The following OXR1 variants were observed in gnomAD, a reference collection of about 807,000 sequenced individuals.
OXR1 encodes the protein oxidation resistance 1, also known as oxidation resistance protein 1.
OXR1 carries 41 observed loss-of-function variants against 104.6 expected under a neutral mutation model. The observed-to-expected ratio is 0.39, with a 90% CI of 0.31 to 0.51. The LOEUF (loss-of-function observed/expected upper bound fraction) is 0.51, where lower values mean the gene tolerates loss of function less well. Among genes scored for constraint, OXR1 ranks in the 20% least tolerant of loss-of-function variants. The pLI, the probability that OXR1 is intolerant of heterozygous loss-of-function variation, is 0.77. For synonymous variants in OXR1, 348 were observed against 348.4 expected, an observed-to-expected ratio of 1.00 and a Z score of 0.01; for missense variants, 955 against 1,031.9, an observed-to-expected ratio of 0.93 and a Z score of 1.02.
intron 3 of OXR1, among the ~76,000 whole-genome samples, chr8:106,613,092 GCTT>G (rs1047132569): frequency 6.6e-6 from 1 of 151,990 alleles, no homozygotes; most frequent in Non-Finnish European, 1.5e-5. Context: ...TGGAAAACAT[GCTT>G]CTTACCTAAT....
chr8:106,539,456 A>G (rs542399043), intron 3 of OXR1, among the ~76,000 whole-genome samples: 56 of 152,310 alleles, frequency 3.7e-4, no homozygotes, highest in Admixed American at 9.2e-4. Flanking sequence ...TATAATTTGC[A>G]TATTTTACTC....
chr8:106,603,913 C>T (rs879708313), intron 3 of OXR1, among the ~76,000 whole-genome samples: 4 of 151,838 alleles, frequency 2.6e-5, no homozygotes, highest in Non-Finnish European at 4.4e-5. Context: ...ATTAGCTGGG[C>T]GTGGTGGTGC....
At chr8:106,387,424 G>T (rs555899254) in intron 2 of OXR1, among the ~76,000 whole-genome samples, 12 of 152,148 alleles carry the variant, frequency 7.9e-5, no homozygotes, top group Admixed American at 3.9e-4. Flanking sequence ...TTTCCAGGTT[G>T]CACTAGGAGA....
At chr8:106,532,257 T>C (rs1459925279) in intron 3 of OXR1, among the ~76,000 whole-genome samples, 1 of 152,244 alleles carries the variant, frequency 6.6e-6, no homozygotes, top group Non-Finnish European at 1.5e-5. Context: ...TGGGAATTTA[T>C]GTGCCTACAA....
At chr8:106,316,388 G>T (rs13280179) in intron 1 of OXR1, among the ~76,000 whole-genome samples, 45,588 of 151,040 alleles carry the variant, frequency 0.3, 7,868 homozygotes, top group Admixed American at 0.38. Context: ...AATCTTTATT[G>T]AAAAGAATCT....
chr8:106,286,193 A>G (rs1812493721), intron 1 of OXR1, among the ~76,000 whole-genome samples: 1 of 152,164 alleles, frequency 6.6e-6, no homozygotes, highest in Non-Finnish European at 1.5e-5. Flanking sequence ...GCTGATGCCC[A>G]TCATTGTTAT....
intron 2 of OXR1, among the ~76,000 whole-genome samples, chr8:106,459,228 G>C (rs1563536148): frequency 6.6e-6 from 1 of 152,174 alleles, no homozygotes; most frequent in East Asian, 1.9e-4. Context: ...TCTTATTAAA[G>C]AATTAATGCT....
In OXR1 at chr8:106,501,013, A is replaced by G. The variant is rs576118431; in HGVS notation, c.24-17930A>G. 5.9e-5 allele frequency among the ~76,000 whole-genome samples: 9 copies of G among 152,352 alleles called. No homozygotes were observed. In the South Asian group the frequency reaches 1.9e-3, roughly 32 times the overall value. Reference sequence around the variant, plus strand: ...CAAATTGAAGTTGGGTGATCAAGGAAGGTCTTTCTGAAAGGGAATTGTGAG... The same window carrying G: ...CAAATTGAAGTTGGGTGATCAAGGAGGGTCTTTCTGAAAGGGAATTGTGAG... On this transcript the variant is annotated intron_variant, in intron 2 of 16. Coordinates refer to ENST00000517566, the MANE Select transcript of OXR1 (RefSeq NM_001198533.2).
intron 3 of OXR1, among the ~76,000 whole-genome samples, chr8:106,585,826 G>A (rs567314418): frequency 6.6e-6 from 1 of 152,234 alleles, no homozygotes; most frequent in African/African-American, 2.4e-5. Context: ...ATTCCAAGAA[G>A]CAGGAAAGTA....
At chr8:106,394,981 T>C (rs982793422) in intron 2 of OXR1, among the ~76,000 whole-genome samples, 14 of 152,084 alleles carry the variant, frequency 9.2e-5, no homozygotes, top group Non-Finnish European at 1.6e-4. Context: ...TACAAATGTA[T>C]GTTATAACCT....
chr8:106,343,016 T>G (rs78277517), intron 1 of OXR1, among the ~76,000 whole-genome samples: 9,924 of 152,270 alleles, frequency 0.065, 347 homozygotes, highest in Non-Finnish European at 0.073. Context: ...TCCTTGCTTT[T>G]CTTCACTCTG....
At chr8:106,270,399 G>C (rs953251412) in intron 1 of OXR1, 32 bp downstream of exon 1, 22 of 152,442 alleles carry the variant, frequency 1.4e-4, no homozygotes, top group African/African-American at 5.1e-4. Flanking sequence ...GCGTTAGGGC[G>C]AGGGCTTGGC....
chr8:106,449,260 G>A (rs1410119089), intron 2 of OXR1, among the ~76,000 whole-genome samples: 2 of 152,088 alleles, frequency 1.3e-5, no homozygotes, highest in Middle Eastern at 6.3e-3. Flanking sequence ...AACTTGCAGT[G>A]CTTCTTGCCT....
chr8:106,637,003 A>G (rs1258400477), intron 3 of OXR1, among the ~76,000 whole-genome samples: 1 of 152,120 alleles, frequency 6.6e-6, no homozygotes, highest in Non-Finnish European at 1.5e-5. Flanking sequence ...AATTTTCTCC[A>G]TTGCTCATTA....
intron 3 of OXR1, among the ~76,000 whole-genome samples, chr8:106,588,106 C>T (rs1446210897): frequency 1.3e-5 from 2 of 152,050 alleles, no homozygotes; most frequent in East Asian, 1.9e-4. Context: ...CACCCGCCAC[C>T]ACGCCCGGCT....
chr8:106,427,502 A>AACC (rs1244883816), intron 2 of OXR1, among the ~76,000 whole-genome samples: 4 of 152,194 alleles, frequency 2.6e-5, no homozygotes. Flanking sequence ...AAGGGCTGAG[A>AACC]ACCACCACTA....
chr8:106,664,851 T>G (rs1293970880), intron 3 of OXR1, among the ~76,000 whole-genome samples: 1 of 152,226 alleles, frequency 6.6e-6, no homozygotes, highest in Non-Finnish European at 1.5e-5. Context: ...TAAGTCCTCC[T>G]TTGACATCAT....
intron 3 of OXR1, among the ~76,000 whole-genome samples, chr8:106,611,935 T>C (rs1425532178): frequency 9.7e-6 from 1 of 102,754 alleles, no homozygotes; most frequent in East Asian, 3.3e-4. Flanking sequence ...TAAAAACACA[T>C]AAAAACAAAA....
At chr8:106,487,028 T>G (rs897719798) in intron 2 of OXR1, among the ~76,000 whole-genome samples, 1 of 150,092 alleles carries the variant, frequency 6.7e-6, no homozygotes, top group Middle Eastern at 3.4e-3. Context: ...ACACTTTTTT[T>G]TTTTTTTTTT....
Sources: gnomAD v4.1 joint callset for allele counts (sites outside exome capture counted in the v4.1 genomes callset) on GRCh38, gnomAD v4.1.1 for gene constraint, MANE v1.5 for transcripts, NCBI Gene and HGNC (gene_info 2026-07-23, HGNC 2026-07-21) for gene names.